Variants in PDE1C observed in about 807,000 individuals in gnomAD.
PDE1C encodes the protein dual specificity calcium/calmodulin-dependent 3',5'-cyclic nucleotide phosphodiesterase 1C.
PDE1C carries 62 observed loss-of-function variants against 93.1 expected under a neutral mutation model. That is an observed-to-expected ratio of 0.67 (90% CI 0.54 to 0.82). PDE1C has a LOEUF of 0.82. Ranked by LOEUF, PDE1C falls within the 40% of genes least tolerant of loss-of-function variation. The pLI is 0.00. For synonymous variants in PDE1C, 325 were observed against 310.1 expected (o/e 1.05, Z -0.50); for missense variants, 742 against 884.6 (o/e 0.84, Z 2.04).
chr7:31,797,986 G>A (rs1785515220), intron 16 of PDE1C, among the ~76,000 whole-genome samples: 1 of 151,602 alleles, frequency 6.6e-6, no homozygotes, highest in African/African-American at 2.4e-5. Flanking sequence ...CACTCTTCTT[G>A]GCAGCTCCGT....
chr7:32,124,835 C>T (rs1394783139), intron 3 of PDE1C, among the ~76,000 whole-genome samples: 1 of 152,066 alleles, frequency 6.6e-6, no homozygotes, highest in Non-Finnish European at 1.5e-5. Flanking sequence ...GATGAAAATG[C>T]CAAAAGCAAT....
chr7:32,199,133 T>TAA (rs202068264), intron 2 of PDE1C, among the ~76,000 whole-genome samples: 18 of 147,818 alleles, frequency 1.2e-4, no homozygotes, highest in African/African-American at 2.6e-4. Context: ...AATAAAAATT[T>TAA]AAAAAAAAAA....
chr7:32,015,612 A>G (rs1021617065), intron 2 of PDE1C, among the ~76,000 whole-genome samples: 1 of 152,164 alleles, frequency 6.6e-6, no homozygotes, highest in African/African-American at 2.4e-5. Context: ...AAACACAAAG[A>G]TGCCATAAAG....
In PDE1C at chr7:32,377,241, AAAGAGT is replaced by A. The variant is rs547244034; in HGVS notation, c.310+50575_310+50580del. Among the ~76,000 whole-genome samples the A allele has an allele frequency of 1.9e-4, 29 of 152,290 alleles. No individual in the cohort carries two copies. In the East Asian group the frequency reaches 5.0e-3, roughly 26 times the overall value. ...AAGTGTGCCAAGCTGCATCTCTGGG[AAAGAGT>A]TCAGGAAACCTGATTATCCGCACTC... On this transcript the variant is annotated intron_variant, in intron 1 of 1. Transcript: ENST00000672256.
rs558947277 is a variant in PDE1C at position 32,284,133 on chromosome 7, C to T, written c.85+14518G>A. 4.6e-5 allele frequency among the ~76,000 whole-genome samples: 7 copies of T among 152,276 alleles called. No homozygotes were observed. In the South Asian group the frequency reaches 1.5e-3, roughly 32 times the overall value. The stretch of plus-strand genomic sequence containing the variant: ...GAGAAAATCTAATACACCCGTAACC[C>T]ATAGAAAAGAAGGGCAAATAGGACT... On this transcript the variant is annotated intron_variant, in intron 1 of 18. Coordinates refer to the PDE1C transcript ENST00000396193.
chr7:32,314,769 G>C (rs1783132997), intron 1 of PDE1C, among the ~76,000 whole-genome samples: 1 of 152,002 alleles, frequency 6.6e-6, no homozygotes, highest in South Asian at 2.1e-4. Flanking sequence ...AGAAAGAATA[G>C]ACAGGCAGCC....
At chr7:31,966,819 T>C (rs1346527494) in intron 2 of PDE1C, among the ~76,000 whole-genome samples, 1 of 152,028 alleles carries the variant, frequency 6.6e-6, no homozygotes, top group Non-Finnish European at 1.5e-5. Flanking sequence ...TCAAAACCAC[T>C]CAACTACATG....
intron 3 of PDE1C, among the ~76,000 whole-genome samples, chr7:32,146,486 CA>C (rs1563351565): frequency 1.3e-5 from 2 of 152,130 alleles, no homozygotes; most frequent in Non-Finnish European, 2.9e-5. Flanking sequence ...GTGCCATCTT[CA>C]GATCTCTATC....
intron 1 of PDE1C, among the ~76,000 whole-genome samples, chr7:32,418,972 T>C (rs1355351547): frequency 6.6e-6 from 1 of 152,242 alleles, no homozygotes; most frequent in Non-Finnish European, 1.5e-5. Flanking sequence ...TTTCCCATTT[T>C]GTCTTCAGTT....
At chr7:31,645,884 G>A in the PDE1C span, among the ~76,000 whole-genome samples, 1 of 152,150 alleles carries the variant, frequency 6.6e-6, no homozygotes, top group African/African-American at 2.4e-5. Context: ...TGTCAAGGCT[G>A]TAAAACTCAG....
intron 1 of PDE1C, among the ~76,000 whole-genome samples, chr7:32,334,715 C>CACAA (rs3079619): frequency 0.95 from 144,952 of 151,930 alleles, 69,324 homozygotes; most frequent in East Asian, 1. Flanking sequence ...CTTTAAACAG[C>CACAA]ACAAAGGCTA....
At chr7:31,632,322 C>T in the PDE1C span, among the ~76,000 whole-genome samples, 37 of 152,222 alleles carry the variant, frequency 2.4e-4, no homozygotes, top group African/African-American at 8.4e-4. Context: ...GTGGCACGTG[C>T]CTGTAGTCCC....
the PDE1C span, among the ~76,000 whole-genome samples, chr7:31,623,237 C>T: frequency 0.16 from 24,317 of 151,780 alleles, 2,237 homozygotes; most frequent in East Asian, 0.3. Context: ...AGAGGGAATC[C>T]TCCCTAACTC....
intron 1 of PDE1C, among the ~76,000 whole-genome samples, chr7:32,326,260 A>G (rs931973022): frequency 6.6e-6 from 1 of 152,246 alleles, no homozygotes; most frequent in African/African-American, 2.4e-5. Context: ...GCAGTTGCAT[A>G]TGCAAGTCTG....
chr7:31,744,741 A>G, the PDE1C span, among the ~76,000 whole-genome samples: 74 of 152,322 alleles, frequency 4.9e-4, no homozygotes, highest in African/African-American at 1.6e-3. Context: ...TATCTAACAC[A>G]ACATCTCCCA....
At chr7:32,057,222 G>A (rs928477903) in intron 1 of PDE1C, among the ~76,000 whole-genome samples, 1 of 152,186 alleles carries the variant, frequency 6.6e-6, no homozygotes, top group Admixed American at 6.5e-5. Context: ...GCAGTCTCAG[G>A]AAGTTGTAAC....
intron 1 of PDE1C, among the ~76,000 whole-genome samples, chr7:32,380,308 G>T (rs1288544802): frequency 6.6e-6 from 1 of 151,372 alleles, no homozygotes; most frequent in African/African-American, 2.4e-5. Context: ...CATGATCTTG[G>T]CTCACTGAAA....
intron 3 of PDE1C, among the ~76,000 whole-genome samples, chr7:32,092,534 C>G (rs1797526835): frequency 6.6e-6 from 1 of 152,158 alleles, no homozygotes; most frequent in South Asian, 2.1e-4. Context: ...TCTGGCTAGC[C>G]TAGGCTGCCA....
Position 32,387,652 on chromosome 7 carries a change from G to A in PDE1C, c.310+40170C>T, listed in dbSNP as rs1301967475. Among the ~76,000 whole-genome samples, 8 of 146,176 alleles carry A rather than the reference G, an allele frequency of 5.5e-5. No homozygotes were observed. In the East Asian group the frequency reaches 1.0e-3, roughly 19 times the overall value. ...GGGCTGATCCCCCCACCTCCCTCCC[G>A]GACGGGGCGGCTGGCCGGGCGGGGG... On this transcript the variant is annotated intron_variant, in intron 1 of 1. Coordinates refer to the PDE1C transcript ENST00000672256.
Sources: gnomAD v4.1 joint callset for allele counts (sites outside exome capture counted in the v4.1 genomes callset) on GRCh38, gnomAD v4.1.1 for gene constraint, MANE v1.5 for transcripts, NCBI Gene and HGNC (gene_info 2026-07-23, HGNC 2026-07-21) for gene names.